Variants in SMARCC1 observed in about 807,000 individuals in gnomAD.
The protein encoded by SMARCC1 is SWI/SNF related BAF chromatin remodeling complex subunit C1, also known as SWI/SNF complex subunit SMARCC1.
In SMARCC1, 43 loss-of-function variants were observed where a neutral mutation model predicts 147.4. The ratio of observed to expected loss-of-function variants is 0.29; its 90% CI spans 0.23 to 0.38. The LOEUF (loss-of-function observed/expected upper bound fraction) is 0.38. Among genes scored for constraint, SMARCC1 ranks in the 10% least tolerant of loss-of-function variants. The probability of loss-of-function intolerance (pLI) is 1.00; values close to 1 mark genes in which losing one functional copy is unlikely to be tolerated. For missense variants in SMARCC1, 1,119 were observed against 1,381.1 expected (o/e 0.81, Z 3.01); for synonymous variants, 495 against 484.4 (o/e 1.02, Z -0.29).
chr3:47,693,929 C>T (rs527642239), intron 11 of SMARCC1, among the ~76,000 whole-genome samples: 2 of 152,278 alleles, frequency 1.3e-5, no homozygotes, highest in African/African-American at 4.8e-5. Context: ...TCCCAAAATG[C>T]CGGGATCACA....
chr3:47,689,880 G>A (rs1440719372), intron 12 of SMARCC1, among the ~76,000 whole-genome samples: 3 of 152,154 alleles, frequency 2.0e-5, no homozygotes, highest in African/African-American at 7.2e-5. Context: ...ATGAAAGAAA[G>A]CCCAGGTAAA....
intron 26 of SMARCC1, among the ~76,000 whole-genome samples, chr3:47,606,870 C>T (rs1442823145): frequency 2.7e-5 from 4 of 145,622 alleles, no homozygotes; most frequent in African/African-American, 9.9e-5. Context: ...ACCACCACAC[C>T]TGGCTACTTT....
At chr3:47,764,465 A>G (rs562203659) in intron 2 of SMARCC1, among the ~76,000 whole-genome samples, 14 of 152,346 alleles carry the variant, frequency 9.2e-5, no homozygotes, top group East Asian at 1.9e-4. Flanking sequence ...AATCAAATAA[A>G]TAAGTACAAT....
intron 24 of SMARCC1, among the ~76,000 whole-genome samples, chr3:47,630,389 C>A (rs1186276362): frequency 6.6e-6 from 1 of 152,212 alleles, no homozygotes; most frequent in Non-Finnish European, 1.5e-5. Context: ...CACTCACCTA[C>A]TGTTGTGTGG....
chr3:47,622,823 T>C (rs1016661949), intron 24 of SMARCC1, among the ~76,000 whole-genome samples: 1 of 152,118 alleles, frequency 6.6e-6, no homozygotes, highest in African/African-American at 2.4e-5. Context: ...GGGAAAACAA[T>C]ATTTGATCTG....
intron 18 of SMARCC1, among the ~76,000 whole-genome samples, chr3:47,671,599 A>G (rs1449539729): frequency 1.3e-5 from 2 of 152,256 alleles, no homozygotes; most frequent in South Asian, 2.1e-4. Flanking sequence ...CGATGTGAGT[A>G]TAACAGAAGT....
chr3:47,755,989 TAAAAAAAAAAAAAAAAAAAA>T (rs34001771), intron 2 of SMARCC1, among the ~76,000 whole-genome samples: 1 of 22,894 alleles, frequency 4.4e-5, no homozygotes, highest in Non-Finnish European at 7.5e-5. Context: ...GGCTTCATCT[TAAAAAAAAAAAAAAAAAAAA>T]AAAAAAAAAA....
intron 16 of SMARCC1, among the ~76,000 whole-genome samples, chr3:47,677,021 C>T (rs1212012922): frequency 6.6e-6 from 1 of 152,154 alleles, no homozygotes; most frequent in African/African-American, 2.4e-5. Flanking sequence ...ATTTCAATCA[C>T]AGAAATGAGA....
Position 47,671,188 on chromosome 3 carries a change from A to C in SMARCC1, c.1840-471T>G, listed in dbSNP as rs1328344598. Among the ~76,000 whole-genome samples, 270 of 146,702 alleles carry C rather than the reference A, an allele frequency of 1.8e-3. 5 individuals carry two copies. The highest frequency in any genetic ancestry group is 6.3e-3 in the African/African-American group (249 of 39,754). ...GAGACTATCTCAAAAAAAAAAAAAA[A>C]AAAAAAAAAACACACACAAAAACCA... On this transcript the variant is annotated intron_variant, in intron 18 of 27. Coordinates refer to ENST00000254480, the MANE Select transcript of SMARCC1 (RefSeq NM_003074.4).
At chr3:47,660,363 G>A (rs1023423748) in intron 21 of SMARCC1, among the ~76,000 whole-genome samples, 3 of 149,926 alleles carry the variant, frequency 2.0e-5, no homozygotes, top group Non-Finnish European at 4.4e-5. Context: ...GGAAAATGGC[G>A]TGAACCAGGG....
At chr3:47,756,720 T>C (rs2034702904) in intron 2 of SMARCC1, among the ~76,000 whole-genome samples, 1 of 152,158 alleles carries the variant, frequency 6.6e-6, no homozygotes, top group Non-Finnish European at 1.5e-5. Context: ...GTATTTCTTG[T>C]GGCTACTTTC....
At chr3:47,741,499 G>C (rs2034510093) in intron 3 of SMARCC1, among the ~76,000 whole-genome samples, 1 of 150,792 alleles carries the variant, frequency 6.6e-6, no homozygotes, top group Admixed American at 6.7e-5. Context: ...CTGGAAATGA[G>C]GTCTATTCAT....
Position 47,693,274 on chromosome 3 carries a change from T to C in SMARCC1, c.1192A>G (p.Thr398Ala). The C allele has an allele frequency of 1.3e-6, 2 of 1,590,940 alleles. No homozygotes were observed. Among genetic ancestry groups the C allele is most frequent in the Non-Finnish European group, 1.7e-6 (2 of 1,159,014 alleles). ...GCTACAGTTCCTCCTTTAACAGGTG[T>C]ATTTTCACTATCTTTCTTTAGGTTC... is the stretch of plus-strand genomic sequence containing the variant. ...NVNLKKDSENTPVKGGTVADL... is the reference protein window; with the variant it reads ...NVNLKKDSENAPVKGGTVADL... The change falls in exon 12 of 28, where the codon ACA becomes GCA. Residue 398 changes from threonine to alanine, a missense_variant. By Grantham distance (58) the Thr-to-Ala change is moderately conservative. Coordinates refer to ENST00000254480, the MANE Select transcript of SMARCC1 (RefSeq NM_003074.4).
intron 26 of SMARCC1, chr3:47,603,373 G>C (rs2032419995): frequency 6.6e-6 from 1 of 151,776 alleles, no homozygotes. Context: ...GGTGAGCCAA[G>C]ACTACAAAAT....
chr3:47,760,813 G>A (rs1047358722), intron 2 of SMARCC1, among the ~76,000 whole-genome samples: 7 of 152,114 alleles, frequency 4.6e-5, no homozygotes, highest in African/African-American at 9.7e-5. Context: ...GTAACACAGT[G>A]AGACCCTATC....
chr3:47,685,768 A>AATCACTTG (rs2033714040), intron 14 of SMARCC1, among the ~76,000 whole-genome samples: 1 of 152,158 alleles, frequency 6.6e-6, no homozygotes. Flanking sequence ...GAAGCAAGAG[A>AATCACTTG]ATCACTTGAA....
chr3:47,596,872 CT>C (rs570013497), intron 26 of SMARCC1, among the ~76,000 whole-genome samples: 41 of 145,972 alleles, frequency 2.8e-4, no homozygotes, highest in Admixed American at 2.7e-4. Context: ...CAAGTTCCTT[CT>C]TTTTTTTTTT....
At chr3:47,743,482 G>A (rs533204094) in intron 3 of SMARCC1, among the ~76,000 whole-genome samples, 4 of 151,546 alleles carry the variant, frequency 2.6e-5, no homozygotes, top group Admixed American at 6.6e-5. Context: ...TGTATTACAC[G>A]TATCTTTCTA....
chr3:47,777,041 T>TG (rs944904967), intron 1 of SMARCC1, among the ~76,000 whole-genome samples: 28 of 151,676 alleles, frequency 1.8e-4, no homozygotes, highest in African/African-American at 5.1e-4. Flanking sequence ...CCCAAAGTGC[T>TG]GGGATTATAG....
Sources: allele counts gnomAD v4.1 joint callset (sites outside exome capture counted in the v4.1 genomes callset), GRCh38; gene constraint gnomAD v4.1.1; transcripts MANE v1.5; gene names NCBI Gene and HGNC (gene_info 2026-07-23, HGNC 2026-07-21).